PANK4: variants seen among roughly 807,000 people sequenced by gnomAD.
The protein encoded by PANK4 is pantothenate kinase 4 (inactive), also known as 4'-phosphopantetheine phosphatase.
Under a neutral mutation model 87.9 loss-of-function variants are expected in PANK4, and 40 were observed. The ratio of observed to expected loss-of-function variants is 0.46; its 90% CI spans 0.35 to 0.59. The LOEUF (loss-of-function observed/expected upper bound fraction) is 0.59, where lower values mean the gene tolerates loss of function less well. PANK4 is among the 20% of genes least tolerant of loss of function. The pLI is 0.00. For synonymous variants in PANK4, 524 were observed against 467.4 expected (o/e 1.12, Z -1.56); for missense variants, 926 against 1,072.3 (o/e 0.86, Z 1.90).
chr1:2,513,545 C>T (rs371606394), intron 12 of PANK4, among the ~76,000 whole-genome samples: 343 of 152,328 alleles, frequency 2.3e-3, no homozygotes, highest in African/African-American at 7.8e-3. Context: ...CACGGCCCTG[C>T]ACGTTGCCGG....
intron 2 of PANK4, 90 bp from the exon 3 acceptor site, chr1:2,521,405 C>G: frequency 2.8e-6 from 3 of 1,064,226 alleles, no homozygotes; most frequent in Non-Finnish European, 2.9e-6. Context: ...GCTGGCTGTT[C>G]GCGCCAGCCT....
rs369003458 is a variant in PANK4 at position 2,514,047 on chromosome 1, C to T, written c.1530G>A (p.Arg510=). Residue 510 remains arginine (R), a synonymous_variant, in exon 12 of 19, where the codon AGG becomes AGA. Transcript: ENST00000378466. ...TLTVRSLLDT[R]EHCLNEFNFP... ...AGTTGAACTCGTTCAGACAGTGCTC[C>T]CTGGTGTCCAGCAGGCTGCGCACGG... 9.3e-6 allele frequency: 15 copies of T among 1,612,776 alleles called. No homozygotes were observed. The African/African-American group carries it at 1.9e-4, about 20-fold the overall frequency.
rs764757610 is a variant in PANK4, at chr1:2,520,991, C to T, written c.423-85G>A. The T allele has an allele frequency of 1.8e-5, 28 of 1,515,000 alleles. No homozygotes were observed. The highest frequency in any genetic ancestry group is 2.5e-5 in the Non-Finnish European group (28 of 1,104,660). The allele number at this position is 1,515,000 out of a possible 1,614,324, so 93.8% of individuals were successfully genotyped here. ...AGCCTGCCTGGTCCGAAGGGGCAGC[C>T]ATGCCCCATGCGCAATCTGACACAC... On this transcript the variant is annotated intron_variant, in intron 3 of 18. Coordinates refer to ENST00000378466, the MANE Select transcript of PANK4 (RefSeq NM_018216.4). This position sits in a 1 kb window ranked among gnomAD's most constrained non-coding sequence, Gnocchi z 6.2.
Position 2,510,488 on chromosome 1 carries a change from G to T in PANK4, c.1938+190C>A. ...GCTTCAGCACATGGACCCTCAGCCT[G>T]AGCCCAGGGGGCTCGGAGCCTCCAC... On this transcript the variant is annotated intron_variant, in intron 16 of 18. Transcript: ENST00000378466. This position sits in a 1 kb window ranked among gnomAD's most constrained non-coding sequence, Gnocchi z 4.9. 1 of 608,788 alleles carries T rather than the reference G, an allele frequency of 1.6e-6. No individual in the cohort carries two copies. The highest frequency in any genetic ancestry group is 2.9e-6 in the Non-Finnish European group (1 of 342,434). 37.7% of individuals were successfully genotyped at this position (608,788 alleles called of 1,614,324 possible).
chr1:2,514,560 T>C lies in PANK4; in HGVS notation c.1375-94A>G, dbSNP rs1341701789. The C allele has an allele frequency of 1.3e-4, 31 of 242,938 alleles. No individual in the cohort carries two copies. In the African/African-American group the frequency reaches 1.7e-3, roughly 13 times the overall value. 15.0% of individuals were successfully genotyped at this position (242,938 alleles called of 1,614,324 possible). On this transcript the variant is annotated intron_variant, in intron 10 of 18. Coordinates refer to ENST00000378466, the MANE Select transcript of PANK4 (RefSeq NM_018216.4). The stretch of plus-strand genomic sequence containing the variant: ...CAGGGGGCTCGGGGAAGGGTGGGGG[T>C]CGGCCGTGGGGGACTGTCTGGGGCA...
intron 13 of PANK4, among the ~76,000 whole-genome samples, chr1:2,511,906 C>T (rs1258166848): frequency 6.6e-6 from 1 of 152,144 alleles, no homozygotes; most frequent in Non-Finnish European, 1.5e-5. Flanking sequence ...CCAAATCCCT[C>T]CCAGGTGGGA....
intron 10 of PANK4, 70 bp from the exon 11 acceptor site, chr1:2,514,536 AG>A: frequency 1.4e-5 from 4 of 277,760 alleles, no homozygotes; most frequent in Non-Finnish European, 2.2e-5. Context: ...ACGTGACAGC[AG>A]GGGGCTCGGG....
rs1407385760 is a variant in PANK4, at chr1:2,510,054, C to T, written c.2039+3G>A. On this transcript the variant is annotated splice_donor_region_variant and intron_variant, in intron 17 of 18. Coordinates refer to ENST00000378466, the MANE Select transcript of PANK4 (RefSeq NM_018216.4). This position sits in a 1 kb window ranked among gnomAD's most constrained non-coding sequence, Gnocchi z 4.9. ...CCCCCCAGCACTGCCCGCCAACACTCACTGCACGACAGGGTCCATGCCCGC... is the reference window on the plus strand; with the variant it reads ...CCCCCCAGCACTGCCCGCCAACACTTACTGCACGACAGGGTCCATGCCCGC... 6.2e-7 allele frequency: 1 copy of T among 1,605,808 alleles called. No homozygotes were observed. Among genetic ancestry groups the T allele is most frequent in the Admixed American group, 1.7e-5 (1 of 59,620 alleles).
chr1:2,520,716 G>C lies in PANK4; in HGVS notation c.606+7C>G. ...TCCACTCATTCATTCATGAAGCCGG[G>C]TCTTACCTTCACGATGGAGACTCCA... On this transcript the variant is annotated splice_region_variant and intron_variant, in intron 4 of 18. Transcript: ENST00000378466. The surrounding 1 kb of genome is among the most constrained non-coding windows in gnomAD (Gnocchi z 6.2). The C allele has an allele frequency of 6.2e-7, 1 of 1,610,898 alleles. No individual in the cohort carries two copies. The highest frequency in any genetic ancestry group is 8.5e-7 in the Non-Finnish European group (1 of 1,178,174).
At position 2,515,330 on chromosome 1, in the gene PANK4, CT is replaced by C; in HGVS notation, c.1374+231del. The C allele has an allele frequency of 1.4e-6, 1 of 696,186 alleles. No individual in the cohort carries two copies. Among genetic ancestry groups the C allele is most frequent in the South Asian group, 1.5e-5 (1 of 66,722 alleles). 43.1% of individuals were successfully genotyped at this position (696,186 alleles called of 1,614,324 possible). A position where few individuals can be genotyped will look rare whatever the true frequency, so the allele number is the denominator to read the frequency against. On this transcript the variant is annotated intron_variant, in intron 10 of 18. Coordinates refer to ENST00000378466, the MANE Select transcript of PANK4 (RefSeq NM_018216.4). The surrounding 1 kb of genome is among the most constrained non-coding windows in gnomAD (Gnocchi z 5.0). The stretch of plus-strand genomic sequence containing the variant: ...CTAGCTAGCAGAACTATCAGCTGCC[CT>C]TAGAAGCAACGTGCCTCGCAGACGC...
At position 2,508,620 on chromosome 1, in the gene PANK4, A is replaced by ATC; in HGVS notation, c.*226_*227insGA. ...TGTATAGATCTCTCTATTTATATAT[A>ATC]TATATATATAAAAGGTTCTTTAGCA... On this transcript the variant is annotated 3_prime_UTR_variant, in exon 19 of 19. Transcript: ENST00000378466. The surrounding 1 kb of genome is among the most constrained non-coding windows in gnomAD (Gnocchi z 5.1). 7.7e-6 allele frequency: 2 copies of ATC among 259,444 alleles called. No individual in the cohort carries two copies. Among genetic ancestry groups the ATC allele is most frequent in the South Asian group, 1.1e-4 (1 of 9,226 alleles). The allele number at this position is 259,444 out of a possible 1,614,324, so 16.1% of individuals were successfully genotyped here.
chr1:2,515,163 G>A lies in PANK4; in HGVS notation c.1374+399C>T. The A allele has an allele frequency of 7.7e-6, 3 of 391,524 alleles. No individual in the cohort carries two copies. The highest frequency in any genetic ancestry group is 3.9e-5 in the South Asian group (2 of 51,394). 24.3% of individuals were successfully genotyped at this position (391,524 alleles called of 1,614,324 possible). On this transcript the variant is annotated intron_variant, in intron 10 of 18. Transcript: ENST00000378466. The surrounding 1 kb of genome is among the most constrained non-coding windows in gnomAD (Gnocchi z 5.0). ...GCCTTGGAGAAGGTGGGACGCAGGA[G>A]TCCCAAGGTGGCCTCGCCGGGAGCT...
rs1467093143 is a variant in PANK4 at position 2,512,731 on chromosome 1, T to G, written c.1727+157A>C. ...CGCCCTGCCCAGCCCCTGGCGCTGC[T>G]GCCATGTGCACTCCCTGGGCCCCAA... is the stretch of plus-strand genomic sequence containing the variant. On this transcript the variant is annotated intron_variant, in intron 13 of 18. Coordinates refer to ENST00000378466, the MANE Select transcript of PANK4 (RefSeq NM_018216.4). The G allele has an allele frequency of 8.4e-6, 6 of 711,558 alleles. No individual in the cohort carries two copies. In the African/African-American group the frequency reaches 1.1e-4, roughly 13 times the overall value. The allele number at this position is 711,558 out of a possible 1,614,324, so 44.1% of individuals were successfully genotyped here.
Position 2,520,905 on chromosome 1 carries a change from C to A in PANK4, c.424G>T (p.Val142Phe). The change falls in exon 4 of 19, where the codon GTC becomes TTC. Residue 142 changes from valine to phenylalanine, a missense_variant and splice_region_variant. Val to Phe is a conservative substitution (Grantham distance 50, BLOSUM62 -1). Coordinates refer to ENST00000378466, the MANE Select transcript of PANK4 (RefSeq NM_018216.4). This position sits in a 1 kb window ranked among gnomAD's most constrained non-coding sequence, Gnocchi z 6.2. ...CACGTCATCACGTCCTCCTTGTCGA[C>A]TCTGAAAAGGAAGCGCCAACCCCTT... ...DLIEEKLRLK[V>F]DKEDVMTCLI... is the part of the protein sequence containing the mutation. The A allele has an allele frequency of 6.5e-7, 1 of 1,546,162 alleles. No homozygotes were observed. Among genetic ancestry groups the A allele is most frequent in the Non-Finnish European group, 8.7e-7 (1 of 1,148,066 alleles).
chr1:2,511,518 G>A (rs1381150861), intron 14 of PANK4, 110 bp downstream of exon 14: 7 of 1,068,618 alleles, frequency 6.6e-6, no homozygotes, highest in Non-Finnish European at 8.8e-6. Flanking sequence ...ACAGAGCCTT[G>A]AGCAGGGGAG....
Position 2,510,091 on chromosome 1 carries a change from C to T in PANK4, c.2005G>A (p.Ala669Thr). The part of the protein sequence containing the change: ...DVTHSESLIV[A>T]ERIAGMDPVV... ...GGGTCCATGCCCGCAATACGCTCTGCCACGATGAGGGACTCGCTGTGGGTC... is the reference window on the plus strand; with the variant it reads ...GGGTCCATGCCCGCAATACGCTCTGTCACGATGAGGGACTCGCTGTGGGTC... Residue 669 changes from alanine to threonine, a missense_variant, in exon 17 of 19, where the codon GCA (alanine) becomes ACA (threonine). Coordinates refer to ENST00000378466, the MANE Select transcript of PANK4 (RefSeq NM_018216.4). The surrounding 1 kb of genome is among the most constrained non-coding windows in gnomAD (Gnocchi z 4.9). 1 of 1,611,078 alleles carries T rather than the reference C, an allele frequency of 6.2e-7. No individual in the cohort carries two copies.
chr1:2,515,270 G>A lies in PANK4; in HGVS notation c.1374+292C>T, dbSNP rs1435141997. The stretch of plus-strand genomic sequence containing the variant: ...ACCTCAGTCACACCTCAAAAGAGCA[G>A]AGACGTCTCCTAAATTGCTTTTTGA... On this transcript the variant is annotated intron_variant, in intron 10 of 18. Transcript: ENST00000378466. This position sits in a 1 kb window ranked among gnomAD's most constrained non-coding sequence, Gnocchi z 5.0. 2.8e-5 allele frequency: 17 copies of A among 611,124 alleles called. No homozygotes were observed. Among genetic ancestry groups the A allele is most frequent in the Admixed American group, 1.1e-4 (5 of 46,866 alleles). 37.9% of individuals were successfully genotyped at this position (611,124 alleles called of 1,614,324 possible).
At position 2,509,046 on chromosome 1, in the gene PANK4, C is replaced by A; in HGVS notation, c.2123G>T (p.Gly708Val). The A allele has an allele frequency of 3.1e-6, 5 of 1,598,832 alleles. No homozygotes were observed. Among genetic ancestry groups the A allele is most frequent in the Non-Finnish European group, 4.2e-6 (5 of 1,178,794 alleles). Residue 708 changes from glycine (G) to valine (V), a missense_variant, in exon 19 of 19, where the codon GGG (glycine) becomes GTG (valine). Transcript: ENST00000378466. This position sits in a 1 kb window ranked among gnomAD's most constrained non-coding sequence, Gnocchi z 4.9. Reference sequence around the variant, plus strand: ...ACGCTCCCGCACCAGTGCGGCCAGCCCCTTATCCAGGCGGCTTTGGGGAGG... The same window carrying A: ...ACGCTCCCGCACCAGTGCGGCCAGCACCTTATCCAGGCGGCTTTGGGGAGG... Reference protein sequence around the residue: ...PCLDLSRLDKGLAALVRERGA... With the variant: ...PCLDLSRLDKVLAALVRERGA...
In PANK4 at chr1:2,508,577, C is replaced by T. The variant is rs1570527806; in HGVS notation, c.*270G>A. The T allele has an allele frequency of 1.6e-5, 3 of 192,028 alleles. No homozygotes were observed. The Admixed American group carries it at 1.8e-4, about 12-fold the overall frequency. The allele number at this position is 192,028 out of a possible 1,614,324, so 11.9% of individuals were successfully genotyped here. The stretch of plus-strand genomic sequence containing the variant: ...TATTTGGTGCGTGCCCACGGTGCTG[C>T]GTCCCGTCAGACATACCTGTATAGA... On this transcript the variant is annotated 3_prime_UTR_variant, in exon 19 of 19. Transcript: ENST00000378466. This position sits in a 1 kb window ranked among gnomAD's most constrained non-coding sequence, Gnocchi z 5.1.
Sources: gnomAD v4.1 joint callset for allele counts (sites outside exome capture counted in the v4.1 genomes callset) on GRCh38, gnomAD v4.1.1 for gene constraint, Gnocchi (gnomAD v3.1) non-coding constraint, MANE v1.5 for transcripts, NCBI Gene and HGNC (gene_info 2026-07-23, HGNC 2026-07-21) for gene names.